The following NOTCH2 variants were observed in gnomAD, a reference collection of about 807,000 sequenced individuals.
The protein encoded by NOTCH2 is notch receptor 2.
Under a neutral mutation model 235.8 loss-of-function variants are expected in NOTCH2, and 29 were observed. The observed-to-expected ratio is 0.12, with a 90% CI of 0.09 to 0.17. The LOEUF is 0.17. Among genes scored for constraint, NOTCH2 ranks in the 10% least tolerant of loss-of-function variants. The pLI is 1.00. For missense variants in NOTCH2, 2,285 were observed against 3,150.2 expected (o/e 0.73, Z 6.57); for synonymous variants, 1,086 against 1,141.5 (o/e 0.95, Z 0.98).
Position 119,915,920 on chromosome 1 carries a change from A to G in NOTCH2, c.6802T>C (p.Phe2268Leu), listed in dbSNP as rs149580724. The change falls in exon 34 of 34, where the codon TTT (phenylalanine) becomes CTT (leucine). Residue 2268 changes from phenylalanine (F) to leucine (L), a missense_variant. Physicochemically the swap from Phe to Leu is conservative, Grantham distance 22. Around this residue, in one of 6 missense-constraint regions of NOTCH2, gnomAD observed 504 missense variants for 538.0 expected, o/e 0.94. Transcript: ENST00000256646. ...TCAGCTGGAGCCAGGACCATACCAA[A>G]CATCTCATTGTACTGGGTCTCATTC... is the stretch of plus-strand genomic sequence containing the variant. ...EVNETQYNEM[F>L]GMVLAPAEGT... 10 of 1,614,130 alleles carry G rather than the reference A, an allele frequency of 6.2e-6. No individual in the cohort carries two copies. The Middle Eastern group carries it at 4.9e-4, about 80-fold the overall frequency.
intron 3 of NOTCH2, 102 bp from the exon 4 acceptor site, chr1:119,997,434 C>T: frequency 9.2e-7 from 1 of 1,081,120 alleles, no homozygotes; most frequent in East Asian, 2.4e-5. Flanking sequence ...TGGAGAAGAC[C>T]TCAACTCTTT....
chr1:120,014,323 G>A (rs1553207520), intron 2 of NOTCH2, among the ~76,000 whole-genome samples: 1 of 152,208 alleles, frequency 6.6e-6, no homozygotes, highest in African/African-American at 2.4e-5. Flanking sequence ...CCAGCACTGT[G>A]GGAGGCCAAG....
At chr1:119,929,990 C>A (rs1411475867) in intron 22 of NOTCH2, among the ~76,000 whole-genome samples, 1 of 152,178 alleles carries the variant, frequency 6.6e-6, no homozygotes, top group Non-Finnish European at 1.5e-5. Context: ...TAAATACTTA[C>A]CATTGTGTTA....
intron 5 of NOTCH2, among the ~76,000 whole-genome samples, chr1:119,977,256 C>T (rs1363614676): frequency 6.6e-6 from 1 of 152,116 alleles, no homozygotes; most frequent in Admixed American, 6.6e-5. Flanking sequence ...AACAGTATCT[C>T]TATTCTGTTC....
intron 1 of NOTCH2, among the ~76,000 whole-genome samples, chr1:120,047,476 T>C (rs1365381021): frequency 1.2e-5 from 1 of 85,348 alleles, no homozygotes; most frequent in African/African-American, 5.7e-5. Context: ...AGGTCAGCAG[T>C]TCAAAACCAG....
chr1:119,959,612 C>T, intron 11 of NOTCH2, 110 bp from the exon 12 acceptor site: 7 of 726,110 alleles, frequency 9.6e-6, no homozygotes. Flanking sequence ...TTCCAGCCAA[C>T]CCTGGACAGA....
At chr1:120,043,127 T>C (rs1654647492) in intron 1 of NOTCH2, among the ~76,000 whole-genome samples, 1 of 151,672 alleles carries the variant, frequency 6.6e-6, no homozygotes. Flanking sequence ...ATACAATATA[T>C]TTAGGATTAA....
intron 5 of NOTCH2, among the ~76,000 whole-genome samples, chr1:119,986,265 A>C (rs1049073131): frequency 6.6e-6 from 1 of 152,206 alleles, no homozygotes; most frequent in Non-Finnish European, 1.5e-5. Context: ...CTCTACTTTC[A>C]GTAGATAAAC....
chr1:119,947,817 A>G lies in NOTCH2; in HGVS notation c.2752+597T>C, dbSNP rs587723764. Among the ~76,000 whole-genome samples the G allele has an allele frequency of 2.0e-5, 3 of 152,366 alleles. No homozygotes were observed. The South Asian group carries it at 6.2e-4, about 32-fold the overall frequency. On this transcript the variant is annotated intron_variant, in intron 17 of 33. Transcript: ENST00000256646. ...ACTGCAGAACAATAAACTAGAATGT[A>G]CTATTGATATAAACAACATGGACGG...
At chr1:119,960,863 G>C (rs1650909732) in intron 11 of NOTCH2, among the ~76,000 whole-genome samples, 1 of 152,000 alleles carries the variant, frequency 6.6e-6, no homozygotes, top group Non-Finnish European at 1.5e-5. Context: ...ACGAGGTTTT[G>C]CTATGTTGCC....
chr1:119,960,197 AT>A (rs1650880130), intron 11 of NOTCH2, among the ~76,000 whole-genome samples: 1 of 152,166 alleles, frequency 6.6e-6, no homozygotes, highest in Non-Finnish European at 1.5e-5. Context: ...GGAAAAGCAA[AT>A]TGACAGTATT....
chr1:119,988,457 T>C (rs1180247050), intron 4 of NOTCH2, among the ~76,000 whole-genome samples: 2 of 152,178 alleles, frequency 1.3e-5, no homozygotes, highest in South Asian at 2.1e-4. Flanking sequence ...AAAAAGACTA[T>C]GAAAATTTAC....
intron 10 of NOTCH2, among the ~76,000 whole-genome samples, chr1:119,965,009 G>T (rs1651082347): frequency 6.6e-6 from 1 of 152,150 alleles, no homozygotes; most frequent in Non-Finnish European, 1.5e-5. Context: ...ATCCTATTTT[G>T]GTGTCTTTTA....
chr1:119,972,136 A>T (rs2101152899), intron 5 of NOTCH2, among the ~76,000 whole-genome samples: 1 of 135,358 alleles, frequency 7.4e-6, no homozygotes, highest in African/African-American at 2.7e-5. Context: ...AAGGTAAGAA[A>T]GGGAGGGAGG....
intron 7 of NOTCH2, 105 bp downstream of exon 7, chr1:119,967,972 G>A: frequency 7.8e-7 from 1 of 1,277,790 alleles, no homozygotes; most frequent in Non-Finnish European, 1.1e-6. Flanking sequence ...GTAATCTGAG[G>A]TTTGGGTGTA....
At position 119,969,551 on chromosome 1, in the gene NOTCH2, A is replaced by G; in HGVS notation, c.1068T>C (p.Arg356=). 1 of 1,613,996 alleles carries G rather than the reference A, an allele frequency of 6.2e-7. No individual in the cohort carries two copies. Among genetic ancestry groups the G allele is most frequent in the Non-Finnish European group, 8.5e-7 (1 of 1,179,968 alleles). Residue 356 remains arginine, a synonymous_variant, in exon 6 of 34, where the codon CGT becomes CGC. Transcript: ENST00000256646. ...GGCACATGCAAGAGAAGGAGGCCACACGGTCGATGCAGGTGGAGCCTGGAG... is the reference window on the plus strand; with the variant it reads ...GGCACATGCAAGAGAAGGAGGCCACGCGGTCGATGCAGGTGGAGCCTGGAG... ...SCTPGSTCID[R]VASFSCMCPE... is the part of the protein sequence containing the mutation.
intron 25 of NOTCH2, 115 bp from the exon 26 acceptor site, chr1:119,924,099 C>T (rs1649380726): frequency 1.1e-6 from 1 of 882,120 alleles, no homozygotes; most frequent in East Asian, 2.6e-5. Flanking sequence ...TGGCCCACAC[C>T]CAGGACCCAA....
intron 15 of NOTCH2, chr1:119,950,057 A>T (rs1650414090): frequency 5.2e-6 from 1 of 192,480 alleles, no homozygotes; most frequent in South Asian, 9.8e-5. Flanking sequence ...AAGAACAGCT[A>T]TGTGACATGC....
intron 15 of NOTCH2, 61 bp from the exon 16 acceptor site, chr1:119,949,187 T>A: frequency 1.3e-6 from 2 of 1,576,900 alleles, no homozygotes; most frequent in Admixed American, 3.3e-5. Context: ...AAATTTTCCT[T>A]ATCCCAAGGA....
Sources: allele counts gnomAD v4.1 joint callset (sites outside exome capture counted in the v4.1 genomes callset), GRCh38; gene constraint gnomAD v4.1.1; regional missense constraint gnomAD v4.1.1; transcripts MANE v1.5; gene names NCBI Gene and HGNC (gene_info 2026-07-23, HGNC 2026-07-21).